HIBCH: variants seen among roughly 807,000 people sequenced by gnomAD.
The protein encoded by HIBCH is 3-hydroxyisobutyryl-CoA hydrolase, mitochondrial.
HIBCH carries 50 observed loss-of-function variants against 58.2 expected under a neutral mutation model. That is an observed-to-expected ratio of 0.86 (90% CI 0.68 to 1.09). HIBCH has a LOEUF of 1.09. Among genes scored for constraint, HIBCH ranks in the 50% least tolerant of loss-of-function variants. The pLI is 0.00. For missense variants in HIBCH, 450 were observed against 449.7 expected (o/e 1.00, Z -0.01); for synonymous variants, 151 against 146.9 (o/e 1.03, Z -0.20).
At chr2:190,319,259 C>T (rs945761909) in intron 1 of HIBCH, among the ~76,000 whole-genome samples, 3 of 152,202 alleles carry the variant, frequency 2.0e-5, no homozygotes, top group Non-Finnish European at 2.9e-5. Context: ...TTCCAAATGC[C>T]TATACTGACG....
chr2:190,262,219 C>A (rs996992512), intron 6 of HIBCH, among the ~76,000 whole-genome samples: 1 of 150,578 alleles, frequency 6.6e-6, no homozygotes, highest in Non-Finnish European at 1.5e-5. Context: ...ATGCTGCAGT[C>A]TGTACAAGAC....
chr2:190,279,126 G>GC lies in HIBCH; in HGVS notation c.438+8459dup, dbSNP rs1311635700. 6.6e-6 allele frequency among the ~76,000 whole-genome samples: 1 copy of GC among 152,174 alleles called. No homozygotes were observed. Among genetic ancestry groups the GC allele is most frequent in the East Asian group, 1.9e-4 (1 of 5,192 alleles). ...TGCAGAGCCCTGATCTGGTGAAGGGGCAAGAGCATGCCAAACTGGCTTTTA... is the reference window on the plus strand; with the variant it reads ...TGCAGAGCCCTGATCTGGTGAAGGGGCCAAGAGCATGCCAAACTGGCTTTTA... On this transcript the variant is annotated intron_variant, in intron 6 of 13. Coordinates refer to ENST00000359678, the MANE Select transcript of HIBCH (RefSeq NM_014362.4). This position sits in a 1 kb window ranked among gnomAD's most constrained non-coding sequence, Gnocchi z 4.2.
chr2:190,261,379 C>T, intron 6 of HIBCH, 145 bp from the exon 7 acceptor site: 2 of 647,244 alleles, frequency 3.1e-6, no homozygotes, highest in Non-Finnish European at 5.5e-6. Flanking sequence ...AGGTTGTCCC[C>T]ACCTCTTTCA....
At chr2:190,199,185 T>C (rs1690121112), downstream of HIBCH, among the ~76,000 whole-genome samples, 1 of 152,202 alleles carries the variant, frequency 6.6e-6, no homozygotes, top group Non-Finnish European at 1.5e-5. Flanking sequence ...CTTGTTTTGC[T>C]TGACAGTATA....
chr2:190,248,381 C>A (rs1418776035), intron 9 of HIBCH, among the ~76,000 whole-genome samples: 1 of 151,960 alleles, frequency 6.6e-6, no homozygotes, highest in Non-Finnish European at 1.5e-5. Context: ...TGGGATGCAG[C>A]GGTTCTGCAA....
chr2:190,191,655 A>G (rs1689715753), intron 1 of HIBCH, among the ~76,000 whole-genome samples: 1 of 152,206 alleles, frequency 6.6e-6, no homozygotes, highest in Admixed American at 6.5e-5. Context: ...ATTTTTACCC[A>G]TTCTAACAGC....
At chr2:190,310,867 C>T in intron 1 of HIBCH, 71 bp from the exon 2 acceptor site, 1 of 1,094,566 alleles carries the variant, frequency 9.1e-7, no homozygotes, top group South Asian at 1.3e-5. Context: ...AATAGTATAT[C>T]ACCTTTTGTT....
intron 11 of HIBCH, among the ~76,000 whole-genome samples, chr2:190,218,187 C>G (rs1360278628): frequency 2.0e-5 from 3 of 150,774 alleles, no homozygotes; most frequent in Non-Finnish European, 4.4e-5. Flanking sequence ...ATATCTATGT[C>G]CTAAAACAGA....
At chr2:190,295,189 CAA>C (rs1326216662) in intron 3 of HIBCH, among the ~76,000 whole-genome samples, 1 of 152,150 alleles carries the variant, frequency 6.6e-6, no homozygotes, top group African/African-American at 2.4e-5. Flanking sequence ...AAGTCCAGAA[CAA>C]TGGACGAAAT....
At chr2:190,248,121 TAA>T (rs1479054524) in intron 9 of HIBCH, among the ~76,000 whole-genome samples, 2 of 152,244 alleles carry the variant, frequency 1.3e-5, no homozygotes, top group African/African-American at 4.8e-5. Context: ...GGTATTTGTC[TAA>T]GTTTCCTTCT....
chr2:190,280,358 T>G (rs1045336094), intron 6 of HIBCH, among the ~76,000 whole-genome samples: 2 of 151,992 alleles, frequency 1.3e-5, no homozygotes, highest in Admixed American at 6.5e-5. Flanking sequence ...TAGGCAGACA[T>G]GAGCAGGGCA....
intron 6 of HIBCH, among the ~76,000 whole-genome samples, 197 bp from the exon 7 acceptor site, chr2:190,261,431 C>T (rs184500222): frequency 1.5e-4 from 23 of 152,162 alleles, no homozygotes; most frequent in Non-Finnish European, 2.5e-4. Flanking sequence ...CTATATTCCC[C>T]TTTATTAAAC....
At chr2:190,259,161 T>A (rs761341137) in intron 7 of HIBCH, among the ~76,000 whole-genome samples, 5 of 152,176 alleles carry the variant, frequency 3.3e-5, no homozygotes, top group Non-Finnish European at 5.9e-5. Flanking sequence ...AAACTGACAT[T>A]GGGATTTTGA....
Position 190,212,942 on chromosome 2 carries a change from T to C in HIBCH, c.1011+14A>G. The C allele has an allele frequency of 6.2e-7, 1 of 1,606,370 alleles. No individual in the cohort carries two copies. The highest frequency in any genetic ancestry group is 8.5e-7 in the Non-Finnish European group (1 of 1,175,950). ...TTAGAACTAAAAAATGACATTTTTT[T>C]TTTAAATTCTTACCATACAAGCTTG... On this transcript the variant is annotated intron_variant, in intron 12 of 13. Transcript: ENST00000359678.
intron 6 of HIBCH, among the ~76,000 whole-genome samples, chr2:190,284,115 T>G (rs1466092100): frequency 6.6e-6 from 1 of 152,228 alleles, no homozygotes; most frequent in African/African-American, 2.4e-5. Context: ...AAGTATATCT[T>G]TATTTGAAAG....
At chr2:190,295,478 A>T (rs535467440) in intron 3 of HIBCH, among the ~76,000 whole-genome samples, 1 of 152,344 alleles carries the variant, frequency 6.6e-6, no homozygotes, top group South Asian at 2.1e-4. Context: ...GCGAGCAATC[A>T]TGAGGCCAGG....
At chr2:190,226,466 A>C (rs1685898614) in intron 11 of HIBCH, among the ~76,000 whole-genome samples, 1 of 152,028 alleles carries the variant, frequency 6.6e-6, no homozygotes, top group South Asian at 2.1e-4. Flanking sequence ...ATGGTGGCAC[A>C]TGCCTATAAT....
In HIBCH at chr2:190,319,627, G is replaced by A. The variant is rs373685828; in HGVS notation, c.35+89C>T. On this transcript the variant is annotated intron_variant, in intron 1 of 13. Coordinates refer to ENST00000359678, the MANE Select transcript of HIBCH (RefSeq NM_014362.4). ...GCCTCTGAGCGCGACTCGAAACTTC[G>A]AGGCCAGCAGTCTCCACCCCCGGCC... 1.5e-3 allele frequency: 1,730 copies of A among 1,157,984 alleles called. 16 individuals are homozygous for A. In the African/African-American group the frequency reaches 0.023, roughly 15 times the overall value. 71.7% of individuals were successfully genotyped at this position (1,157,984 alleles called of 1,614,324 possible).
At chr2:190,287,058 G>GTA (rs1553504915) in intron 6 of HIBCH, among the ~76,000 whole-genome samples, 17 of 147,680 alleles carry the variant, frequency 1.2e-4, no homozygotes, top group Admixed American at 2.0e-4. Flanking sequence ...GTGTGTGTGT[G>GTA]TATACATATA....
Sources: allele counts gnomAD v4.1 joint callset (sites outside exome capture counted in the v4.1 genomes callset), GRCh38; gene constraint gnomAD v4.1.1; non-coding constraint Gnocchi (gnomAD v3.1); transcripts MANE v1.5; gene names NCBI Gene and HGNC (gene_info 2026-07-23, HGNC 2026-07-21).